Variants in RYR3 observed in about 807,000 individuals in gnomAD.
RYR3 encodes the protein brain ryanodine receptor-calcium release channel.
RYR3 carries 207 observed loss-of-function variants against 584.3 expected under a neutral mutation model. That is an observed-to-expected ratio of 0.35 (90% CI 0.32 to 0.40). The LOEUF is 0.40. Among genes scored for constraint, RYR3 ranks in the 10% least tolerant of loss-of-function variants. The pLI is 1.00. For synonymous variants in RYR3, 2,416 were observed against 2,248.5 expected (o/e 1.07, Z -2.11); for missense variants, 5,616 against 6,089.2 (o/e 0.92, Z 2.59).
At chr15:33,455,104 A>G (rs1202015560) in intron 1 of RYR3, among the ~76,000 whole-genome samples, 1 of 152,170 alleles carries the variant, frequency 6.6e-6, no homozygotes, top group Non-Finnish European at 1.5e-5. Context: ...AAGCAAAGGA[A>G]ATTCTAATTG....
intron 3 of RYR3, among the ~76,000 whole-genome samples, chr15:33,518,277 C>T (rs547609085): frequency 7.7e-4 from 118 of 152,346 alleles, no homozygotes; most frequent in Non-Finnish European, 1.3e-3. Context: ...ACATTCTTTT[C>T]GGTGCCAAGT....
At chr15:33,336,238 C>T (rs958343707) in intron 1 of RYR3, among the ~76,000 whole-genome samples, 2 of 151,348 alleles carry the variant, frequency 1.3e-5, no homozygotes, top group African/African-American at 4.9e-5. Flanking sequence ...TTGAGACCAG[C>T]CTGGCCAACA....
chr15:33,500,932 C>T (rs2051926196), intron 2 of RYR3, among the ~76,000 whole-genome samples: 1 of 152,134 alleles, frequency 6.6e-6, no homozygotes, highest in South Asian at 2.1e-4. Context: ...TCCAGACATT[C>T]CAGTTGCTCT....
chr15:33,355,119 G>T (rs1567083212), intron 1 of RYR3, among the ~76,000 whole-genome samples: 1 of 150,888 alleles, frequency 6.6e-6, no homozygotes, highest in Non-Finnish European at 1.5e-5. Context: ...GGGGGGCGGA[G>T]GTTGCAGTGA....
rs367768549 is a variant in RYR3 at position 33,566,976 on chromosome 15, C to T, written c.1268+177C>T. The stretch of plus-strand genomic sequence containing the variant: ...TATTTCCTACATAGGCGAACTCCTA[C>T]TAGCTTCACCCTTTGTTCAACAGAT... On this transcript the variant is annotated intron_variant, in intron 12 of 103. Transcript: ENST00000634891. Among the ~76,000 whole-genome samples, 5 of 152,324 alleles carry T rather than the reference C, an allele frequency of 3.3e-5. No individual in the cohort carries two copies. In the East Asian group the frequency reaches 7.7e-4, roughly 23 times the overall value.
chr15:33,770,996 A>G (rs62012650), intron 62 of RYR3, among the ~76,000 whole-genome samples: 26,903 of 152,102 alleles, frequency 0.18, 2,580 homozygotes, highest in South Asian at 0.25. Flanking sequence ...GAAGGCTTCA[A>G]ATCTCCATAG....
chr15:33,366,195 G>T (rs954334094), intron 1 of RYR3, among the ~76,000 whole-genome samples: 1 of 152,060 alleles, frequency 6.6e-6, no homozygotes, highest in Non-Finnish European at 1.5e-5. Context: ...ATTGGCAAAT[G>T]TGTTTTATGA....
chr15:33,785,794 T>A lies in RYR3; in HGVS notation c.9401T>A (p.Ile3134Asn). 6.2e-7 allele frequency: 1 copy of A among 1,613,910 alleles called. No homozygotes were observed. The highest frequency in any genetic ancestry group is 1.1e-5 in the South Asian group (1 of 91,076). The change falls in exon 66 of 104, where the codon ATC (isoleucine) becomes AAC (asparagine). Residue 3134 changes from isoleucine to asparagine, a missense_variant. This residue lies in a region of RYR3 where 954 missense variants were observed against 1,132.2 expected (regional missense o/e 0.84). Transcript: ENST00000634891. ...GAGATGCCCCATGTCATCGAGGTGATCTTACCCATGCTCTGCAACTACTTG... is the reference window on the plus strand; with the variant it reads ...GAGATGCCCCATGTCATCGAGGTGAACTTACCCATGCTCTGCAACTACTTG... ...YTEMPHVIEV[I>N]LPMLCNYLSY...
intron 1 of RYR3, among the ~76,000 whole-genome samples, chr15:33,414,716 C>T (rs983610532): frequency 5.3e-5 from 8 of 152,118 alleles, no homozygotes; most frequent in African/African-American, 9.7e-5. Flanking sequence ...GCCATTCCCG[C>T]GCCTCAGCCT....
chr15:33,400,251 A>G (rs76018348), intron 1 of RYR3, among the ~76,000 whole-genome samples: 2,529 of 152,170 alleles, frequency 0.017, 75 homozygotes, highest in African/African-American at 0.058. Flanking sequence ...GGTTTATACT[A>G]CCGTTTTGGC....
intron 2 of RYR3, among the ~76,000 whole-genome samples, chr15:33,476,295 C>T (rs11858735): frequency 0.13 from 20,313 of 152,194 alleles, 3,477 homozygotes; most frequent in African/African-American, 0.4. Context: ...GTCATACACT[C>T]ATAGATGAAT....
chr15:33,631,700 C>T (rs1295725567), intron 23 of RYR3, among the ~76,000 whole-genome samples: 1 of 152,200 alleles, frequency 6.6e-6, no homozygotes, highest in Non-Finnish European at 1.5e-5. Flanking sequence ...CGTTTGACCT[C>T]CTATATCTGC....
chr15:33,617,629 C>T (rs1282543182), intron 19 of RYR3, among the ~76,000 whole-genome samples: 1 of 152,034 alleles, frequency 6.6e-6, no homozygotes, highest in Non-Finnish European at 1.5e-5. Flanking sequence ...GACTTGAGTT[C>T]TCTTTCACAG....
chr15:33,838,614 A>C lies in RYR3; in HGVS notation c.12634A>C (p.Ser4212Arg), dbSNP rs2078178525. 6.2e-7 allele frequency: 1 copy of C among 1,613,728 alleles called. No individual in the cohort carries two copies. Among genetic ancestry groups the C allele is most frequent in the African/African-American group, 1.3e-5 (1 of 74,862 alleles). ...GGGAGGAATCTTTCAGATCCTCTGG[A>C]GCACAGTGTTTGGAGGGGGCCTGGT... The part of the protein sequence containing the change: ...ILGGIFQILW[S>R]TVFGGGLVEG... Residue 4212 changes from serine (S) to arginine (R), a missense_variant, in exon 89 of 104, where the codon AGC becomes CGC. This residue lies in a region of RYR3 where 918 missense variants were observed against 887.4 expected (regional missense o/e 1.03). Coordinates refer to ENST00000634891, the MANE Select transcript of RYR3 (RefSeq NM_001036.6).
chr15:33,338,162 A>G (rs972634650), intron 1 of RYR3, among the ~76,000 whole-genome samples: 4 of 151,800 alleles, frequency 2.6e-5, no homozygotes, highest in African/African-American at 7.3e-5. Context: ...AGCCGGGATG[A>G]TCTCGATCTT....
At chr15:33,706,314 CA>C (rs1239995255) in intron 42 of RYR3, among the ~76,000 whole-genome samples, 1 of 151,970 alleles carries the variant, frequency 6.6e-6, no homozygotes, top group African/African-American at 2.4e-5. Context: ...GAACTGTCAC[CA>C]CCATCTATCT....
chr15:33,769,257 A>G, intron 62 of RYR3, 85 bp downstream of exon 62: 2 of 1,008,964 alleles, frequency 2.0e-6, no homozygotes, highest in Middle Eastern at 2.0e-4. Context: ...AAGAGAAGAC[A>G]GATCGCTGCT....
At chr15:33,403,878 C>A (rs971730269) in intron 1 of RYR3, among the ~76,000 whole-genome samples, 4 of 152,056 alleles carry the variant, frequency 2.6e-5, no homozygotes, top group Admixed American at 1.3e-4. Flanking sequence ...TTAACTAAAT[C>A]TTGGATGGCT....
At chr15:33,860,105 G>A (rs917271087) in intron 100 of RYR3, among the ~76,000 whole-genome samples, 2 of 151,946 alleles carry the variant, frequency 1.3e-5, no homozygotes, top group African/African-American at 4.8e-5. Context: ...GGAGGGGAGG[G>A]AAAGAATGAT....
Sources: gnomAD v4.1 joint callset for allele counts (sites outside exome capture counted in the v4.1 genomes callset) on GRCh38, gnomAD v4.1.1 for gene constraint, gnomAD v4.1.1 regional missense constraint, MANE v1.5 for transcripts, NCBI Gene and HGNC (gene_info 2026-07-23, HGNC 2026-07-21) for gene names.